The following GPC3 variants were observed in gnomAD, a reference collection of about 807,000 sequenced individuals.
GPC3 encodes the protein glypican-3.
GPC3 carries 3 observed loss-of-function variants against 34.4 expected under a neutral mutation model. The ratio of observed to expected loss-of-function variants is 0.09; its 90% CI spans 0.04 to 0.23. The LOEUF is 0.23. Among genes scored for constraint, GPC3 ranks in the 10% least tolerant of loss-of-function variants. The pLI is 1.00. For synonymous variants in GPC3, 177 were observed against 174.0 expected, an observed-to-expected ratio of 1.02 and a Z score of -0.13; for missense variants, 351 against 445.6, an observed-to-expected ratio of 0.79 and a Z score of 1.91.
At chrX:133,638,611 A>G in intron 6 of GPC3, among the ~76,000 whole-genome samples, 1 of 111,715 alleles carries the variant, frequency 9.0e-6, no homozygotes, top group Non-Finnish European at 1.9e-5. Context: ...ATGTATATGA[A>G]TGCCTTGCCT....
At chrX:133,539,193 T>A (rs970928312) in intron 7 of GPC3, among the ~76,000 whole-genome samples, 10 of 111,289 alleles carry the variant, frequency 9.0e-5, no homozygotes, top group African/African-American at 3.3e-4. Flanking sequence ...ATTCCCATTT[T>A]ACTGGAGAGG....
At chrX:133,544,134 C>T (rs116401835) in intron 7 of GPC3, among the ~76,000 whole-genome samples, 5,458 of 111,116 alleles carry the variant, frequency 0.049, 357 homozygotes, top group African/African-American at 0.17. Context: ...GGGAGGCTGA[C>T]GTGGGATGAT....
intron 2 of GPC3, among the ~76,000 whole-genome samples, chrX:133,810,942 C>T (rs960444094): frequency 5.5e-5 from 6 of 109,337 alleles, no homozygotes; most frequent in Admixed American, 9.8e-5. Flanking sequence ...CTGGTTCAGT[C>T]TCCGTTTCCT....
intron 2 of GPC3, among the ~76,000 whole-genome samples, chrX:133,825,823 C>T (rs1198538007): frequency 1.8e-5 from 2 of 111,602 alleles, no homozygotes; most frequent in Non-Finnish European, 3.8e-5. Flanking sequence ...TTGTCAACTG[C>T]CTAACTGTTG....
chrX:133,705,651 C>T (rs1424427938), intron 3 of GPC3, among the ~76,000 whole-genome samples: 2 of 112,312 alleles, frequency 1.8e-5, no homozygotes, highest in Non-Finnish European at 3.8e-5. Flanking sequence ...AGTTCTGTCA[C>T]AGGCATAGGC....
chrX:133,977,785 T>C (rs1018301977), intron 1 of GPC3, among the ~76,000 whole-genome samples: 2 of 111,892 alleles, frequency 1.8e-5, no homozygotes, highest in Non-Finnish European at 3.8e-5. Context: ...GAACTTCCCA[T>C]CAACTTTCAA....
chrX:133,722,546 CATTT>C (rs752047543), intron 3 of GPC3, among the ~76,000 whole-genome samples: 14 of 112,252 alleles, frequency 1.2e-4, no homozygotes, highest in African/African-American at 4.2e-4. Context: ...TTTCATAATT[CATTT>C]GTCATGCAAA....
chrX:133,852,571 G>A (rs970559444), intron 2 of GPC3, among the ~76,000 whole-genome samples: 4 of 111,510 alleles, frequency 3.6e-5, no homozygotes, highest in Non-Finnish European at 7.5e-5. Flanking sequence ...AATTGCTTGT[G>A]GGAAACTAAA....
chrX:133,810,877 A>AG (rs1260170113), intron 2 of GPC3, among the ~76,000 whole-genome samples: 10 of 108,732 alleles, frequency 9.2e-5, no homozygotes, highest in Middle Eastern at 9.3e-3. Context: ...AAAAAAAAAA[A>AG]AAAGAAAGAG....
At chrX:133,824,798 A>G (rs1361410478) in intron 2 of GPC3, among the ~76,000 whole-genome samples, 1 of 112,664 alleles carries the variant, frequency 8.9e-6, no homozygotes, top group African/African-American at 3.2e-5. Flanking sequence ...TAATACCAAA[A>G]AAATTGCTCT....
chrX:133,617,473 T>C (rs1176297472), intron 6 of GPC3, among the ~76,000 whole-genome samples: 3 of 112,018 alleles, frequency 2.7e-5, no homozygotes, highest in African/African-American at 9.7e-5. Context: ...ACAAAAGTAA[T>C]TGTGGGATAT....
intron 5 of GPC3, among the ~76,000 whole-genome samples, chrX:133,668,639 T>C (rs2070794642): frequency 9.0e-6 from 1 of 110,801 alleles, no homozygotes; most frequent in Non-Finnish European, 1.9e-5. Context: ...CAGATACTGT[T>C]CGAAGCACTG....
At chrX:133,769,732 AC>A (rs1272109930) in intron 2 of GPC3, among the ~76,000 whole-genome samples, 2 of 112,218 alleles carry the variant, frequency 1.8e-5, no homozygotes, top group Non-Finnish European at 3.8e-5. Context: ...GACTTCAGCA[AC>A]TATCTGAAGA....
chrX:133,551,376 A>G (rs2069431877), intron 7 of GPC3, among the ~76,000 whole-genome samples: 1 of 112,086 alleles, frequency 8.9e-6, no homozygotes, highest in Non-Finnish European at 1.9e-5. Context: ...GGAAAATACA[A>G]TTATGTGCTG....
At chrX:133,862,340 A>G (rs957195411) in intron 2 of GPC3, among the ~76,000 whole-genome samples, 5 of 109,894 alleles carry the variant, frequency 4.5e-5, no homozygotes, top group African/African-American at 1.7e-4. Context: ...TAAGGTGCCA[A>G]GTCATAAATG....
At chrX:133,612,179 C>A (rs2070119559) in intron 6 of GPC3, among the ~76,000 whole-genome samples, 1 of 112,011 alleles carries the variant, frequency 8.9e-6, no homozygotes, top group Admixed American at 9.5e-5. Flanking sequence ...CCACCCCATC[C>A]CAGCTTGACT....
intron 1 of GPC3, among the ~76,000 whole-genome samples, chrX:133,974,665 C>G (rs2076507922): frequency 9.0e-6 from 1 of 111,412 alleles, no homozygotes; most frequent in East Asian, 2.8e-4. Context: ...TCCACACTCA[C>G]GACTTCCAAC....
chrX:133,753,018 TCA>T (rs1194560394), intron 3 of GPC3, among the ~76,000 whole-genome samples: 1 of 111,794 alleles, frequency 8.9e-6, no homozygotes, highest in African/African-American at 3.3e-5. Flanking sequence ...CACTTAAGCT[TCA>T]GTTTCCTCAT....
chrX:133,964,754 T>C (rs1317044013), intron 1 of GPC3, among the ~76,000 whole-genome samples: 1 of 111,935 alleles, frequency 8.9e-6, no homozygotes, highest in Non-Finnish European at 1.9e-5. Context: ...GTGACTTGGG[T>C]AAGACTCATT....
Sources: gnomAD v4.1 joint callset for allele counts (sites outside exome capture counted in the v4.1 genomes callset) on GRCh38, gnomAD v4.1.1 for gene constraint, MANE v1.5 for transcripts, NCBI Gene and HGNC (gene_info 2026-07-23, HGNC 2026-07-21) for gene names.